Variants in NUBPL observed in about 807,000 individuals in gnomAD.
NUBPL encodes the protein NUBP iron-sulfur cluster assembly factor, mitochondrial.
In NUBPL, 31 loss-of-function variants were observed where a neutral mutation model predicts 45.7. The ratio of observed to expected loss-of-function variants is 0.68; its 90% CI spans 0.51 to 0.92. The LOEUF is 0.92. Among genes scored for constraint, NUBPL ranks in the 40% least tolerant of loss-of-function variants. NUBPL has a pLI of 0.00. For missense variants in NUBPL, 401 were observed against 398.7 expected (o/e 1.01, Z -0.05); for synonymous variants, 144 against 140.9 (o/e 1.02, Z -0.15).
At chr14:31,666,263 A>ATATATATATTTATTCATTATTT in intron 4 of NUBPL, among the ~76,000 whole-genome samples, 2 of 111,888 alleles carry the variant, frequency 1.8e-5, no homozygotes, top group African/African-American at 6.1e-5. Flanking sequence ...ATATATATAT[A>ATATATATATTTATTCATTATTT]ATTTTATTTT....
At chr14:31,584,279 C>T (rs2033938760) in intron 3 of NUBPL, among the ~76,000 whole-genome samples, 1 of 152,126 alleles carries the variant, frequency 6.6e-6, no homozygotes, top group African/African-American at 2.4e-5. Flanking sequence ...CATGTGCCAC[C>T]ACTCCCGGCT....
chr14:31,826,932 A>C (rs2040115648), intron 8 of NUBPL, among the ~76,000 whole-genome samples: 1 of 152,240 alleles, frequency 6.6e-6, no homozygotes, highest in Admixed American at 6.5e-5. Flanking sequence ...CCTTTAGGTA[A>C]GAGTTTTCTA....
intron 4 of NUBPL, among the ~76,000 whole-genome samples, chr14:31,666,263 A>ATATATATATATATATTTTTATT: frequency 8.9e-6 from 1 of 111,888 alleles, no homozygotes; most frequent in Non-Finnish European, 1.9e-5. Flanking sequence ...ATATATATAT[A>ATATATATATATATATTTTTATT]ATTTTATTTT....
rs938433614 is a variant in NUBPL at position 31,722,741 on chromosome 14, G to C, written c.513+49167G>C. Among the ~76,000 whole-genome samples the C allele has an allele frequency of 5.3e-5, 8 of 152,216 alleles. No individual in the cohort carries two copies. The South Asian group carries it at 1.7e-3, about 32-fold the overall frequency. ...GTTGGCTGCACATATGTCTTCTTTT[G>C]AAAAGTGTCTGTTCATGTCCTTTGC... On this transcript the variant is annotated intron_variant, in intron 6 of 10. Coordinates refer to ENST00000281081, the MANE Select transcript of NUBPL (RefSeq NM_025152.3).
intron 4 of NUBPL, among the ~76,000 whole-genome samples, chr14:31,651,968 T>C (rs1168778600): frequency 6.6e-6 from 1 of 150,558 alleles, no homozygotes; most frequent in Non-Finnish European, 1.5e-5. Flanking sequence ...AAAGAAGACA[T>C]GCAAATGACC....
At chr14:31,704,480 A>G (rs1370030853) in intron 6 of NUBPL, among the ~76,000 whole-genome samples, 2 of 152,030 alleles carry the variant, frequency 1.3e-5, no homozygotes, top group Non-Finnish European at 2.9e-5. Context: ...CCTGAGCAAC[A>G]TGGAGAGACC....
At chr14:31,843,243 C>T (rs1027040856) in intron 8 of NUBPL, among the ~76,000 whole-genome samples, 2 of 152,188 alleles carry the variant, frequency 1.3e-5, no homozygotes, top group African/African-American at 4.8e-5. Context: ...CTTCTGCATA[C>T]GTTTCATTGG....
At chr14:31,576,557 A>G (rs188492702) in intron 3 of NUBPL, among the ~76,000 whole-genome samples, 1 of 152,248 alleles carries the variant, frequency 6.6e-6, no homozygotes, top group East Asian at 1.9e-4. Flanking sequence ...CACTAGGCCT[A>G]CCTTTATCTT....
intron 6 of NUBPL, among the ~76,000 whole-genome samples, chr14:31,680,529 T>C (rs989286286): frequency 2.6e-5 from 4 of 152,152 alleles, no homozygotes; most frequent in African/African-American, 9.6e-5. Flanking sequence ...TTATTTATTC[T>C]CACTGATTTT....
chr14:31,610,247 A>G (rs2034714957), intron 4 of NUBPL, among the ~76,000 whole-genome samples: 1 of 152,138 alleles, frequency 6.6e-6, no homozygotes, highest in Non-Finnish European at 1.5e-5. Context: ...GATACTGCAG[A>G]AATTCAAAGG....
intron 7 of NUBPL, among the ~76,000 whole-genome samples, chr14:31,816,912 C>A (rs1289077907): frequency 6.6e-6 from 1 of 151,792 alleles, no homozygotes; most frequent in Non-Finnish European, 1.5e-5. Flanking sequence ...TTATGATTTC[C>A]ATTCTTTTGC....
intron 4 of NUBPL, among the ~76,000 whole-genome samples, chr14:31,642,660 G>A (rs187252193): frequency 3.7e-4 from 56 of 152,176 alleles, no homozygotes; most frequent in African/African-American, 1.3e-3. Flanking sequence ...GGTTGTTTTG[G>A]CTATCCTGGG....
intron 6 of NUBPL, among the ~76,000 whole-genome samples, chr14:31,756,961 T>C (rs1260872430): frequency 1.3e-5 from 2 of 150,748 alleles, no homozygotes; most frequent in African/African-American, 4.9e-5. Flanking sequence ...GAGATAATCA[T>C]GTGGTTTTTG....
chr14:31,768,209 C>T (rs932844262), intron 6 of NUBPL, among the ~76,000 whole-genome samples: 2 of 152,102 alleles, frequency 1.3e-5, no homozygotes, highest in Non-Finnish European at 2.9e-5. Flanking sequence ...TTGGCAGGAG[C>T]CTATCAAGCA....
intron 6 of NUBPL, among the ~76,000 whole-genome samples, chr14:31,758,613 C>T (rs192433558): frequency 1.3e-5 from 2 of 151,976 alleles, no homozygotes; most frequent in East Asian, 3.9e-4. Context: ...TAGTTCTTGG[C>T]TTGTTAATAA....
At chr14:31,777,684 TCTTTCTGAAGGTGTCC>T (rs1431580430) in intron 6 of NUBPL, among the ~76,000 whole-genome samples, 2 of 151,998 alleles carry the variant, frequency 1.3e-5, no homozygotes, top group Non-Finnish European at 2.9e-5. Context: ...CAGCCAGGAG[TCTTTCTGAAGGTGTCC>T]CTTTCAGAGA....
intron 7 of NUBPL, among the ~76,000 whole-genome samples, chr14:31,799,795 G>A (rs573709502): frequency 3.9e-5 from 6 of 152,166 alleles, no homozygotes; most frequent in Non-Finnish European, 2.9e-5. Flanking sequence ...AGTTGCTGAC[G>A]GTTGGAGTGG....
At chr14:31,816,378 C>A (rs1399508152) in intron 7 of NUBPL, among the ~76,000 whole-genome samples, 2 of 151,996 alleles carry the variant, frequency 1.3e-5, no homozygotes, top group Non-Finnish European at 2.9e-5. Flanking sequence ...GTGGTGATAT[C>A]CCCTTTATCA....
chr14:31,601,482 G>A (rs1055754546), intron 4 of NUBPL, among the ~76,000 whole-genome samples: 1 of 152,064 alleles, frequency 6.6e-6, no homozygotes, highest in Non-Finnish European at 1.5e-5. Flanking sequence ...TCCCTTGTAA[G>A]TTGGATTCCT....
Sources: gnomAD v4.1 joint callset for allele counts (sites outside exome capture counted in the v4.1 genomes callset) on GRCh38, gnomAD v4.1.1 for gene constraint, MANE v1.5 for transcripts, NCBI Gene and HGNC (gene_info 2026-07-23, HGNC 2026-07-21) for gene names.